JMJD1C: variants seen among roughly 807,000 people sequenced by gnomAD.
JMJD1C encodes jumonji domain-containing protein 1C.
Under a neutral mutation model 245.3 loss-of-function variants are expected in JMJD1C, and 31 were observed. That is an observed-to-expected ratio of 0.13 (90% confidence interval 0.09 to 0.17). The LOEUF (loss-of-function observed/expected upper bound fraction) is 0.17. JMJD1C is among the 10% of genes least tolerant of loss of function. The pLI is 1.00. For synonymous variants in JMJD1C, 1,057 were observed against 1,017.4 expected, an observed-to-expected ratio of 1.04 and a Z score of -0.74; for missense variants, 2,691 against 3,000.2, an observed-to-expected ratio of 0.90 and a Z score of 2.41.
chr10:63,295,981 G>C (rs1254584818), intron 2 of JMJD1C, among the ~76,000 whole-genome samples: 3 of 37,500 alleles, frequency 8.0e-5, no homozygotes, highest in South Asian at 7.8e-4. Context: ...GTGTGTGTGT[G>C]TGTGTGTGTG....
At chr10:63,336,298 C>CA (rs1232632843) in intron 2 of JMJD1C, among the ~76,000 whole-genome samples, 1 of 151,680 alleles carries the variant, frequency 6.6e-6, no homozygotes, top group Non-Finnish European at 1.5e-5. Context: ...CCGTCTCAAC[C>CA]AAAAATACAA....
At chr10:63,500,799 GGATGC>G (rs1954532746) in intron 1 of JMJD1C, among the ~76,000 whole-genome samples, 2 of 135,618 alleles carry the variant, frequency 1.5e-5, no homozygotes, top group African/African-American at 5.2e-5. Flanking sequence ...ATGGATGCAC[GGATGC>G]ATGGATGCAC....
intron 2 of JMJD1C, among the ~76,000 whole-genome samples, chr10:63,270,237 A>AC (rs1856118907): frequency 6.6e-6 from 1 of 151,546 alleles, no homozygotes; most frequent in East Asian, 2.0e-4. Context: ...CATGATCTCA[A>AC]CTCACTGCAA....
chr10:63,215,283 T>A lies in JMJD1C; in HGVS notation c.995A>T (p.Tyr332Phe), dbSNP rs765361788. 7.4e-6 allele frequency: 12 copies of A among 1,613,732 alleles called. No homozygotes were observed. The highest frequency in any genetic ancestry group is 1.3e-5 in the African/African-American group (1 of 74,910). Residue 332 changes from tyrosine (Y) to phenylalanine (F), a missense_variant, in exon 7 of 26, where the codon TAT (tyrosine) becomes TTT (phenylalanine). This residue lies in a region of JMJD1C where 1,562 missense variants were observed against 1,490.7 expected (regional missense o/e 1.05). Coordinates refer to ENST00000399262, the MANE Select transcript of JMJD1C (RefSeq NM_032776.3). ...PDEEKMKEEKYDYISRGENPK... is the reference protein window; with the variant it reads ...PDEEKMKEEKFDYISRGENPK... Reference sequence around the variant, plus strand: ...CCTACCTCCTCGTGATATATAATCATATTTTTCCTCCTTCATCTTCTCTTC... The same window carrying A: ...CCTACCTCCTCGTGATATATAATCAAATTTTTCCTCCTTCATCTTCTCTTC...
intron 1 of JMJD1C, among the ~76,000 whole-genome samples, chr10:63,484,113 T>C (rs994797148): frequency 1.3e-5 from 2 of 152,016 alleles, no homozygotes; most frequent in South Asian, 2.1e-4. Flanking sequence ...CAGGACTGGA[T>C]TGCAAGCTTC....
At chr10:63,406,849 C>G (rs551403976) in intron 1 of JMJD1C, among the ~76,000 whole-genome samples, 1 of 152,006 alleles carries the variant, frequency 6.6e-6, no homozygotes, top group Non-Finnish European at 1.5e-5. Context: ...AAGACACTTA[C>G]AAAAGTCAAA....
At chr10:63,435,500 A>G (rs1325635808) in intron 1 of JMJD1C, among the ~76,000 whole-genome samples, 2 of 152,180 alleles carry the variant, frequency 1.3e-5, no homozygotes, top group Non-Finnish European at 2.9e-5. Context: ...TTGGAAAAGA[A>G]ATTTCTAATT....
chr10:63,450,002 A>G (rs1470100155), intron 1 of JMJD1C, among the ~76,000 whole-genome samples: 2 of 152,092 alleles, frequency 1.3e-5, no homozygotes, highest in Admixed American at 6.5e-5. Context: ...GGACCCAGTA[A>G]CTTGGGAGGC....
chr10:63,395,537 A>C (rs1948429019), intron 1 of JMJD1C, among the ~76,000 whole-genome samples: 1 of 152,214 alleles, frequency 6.6e-6, no homozygotes, highest in Non-Finnish European at 1.5e-5. Flanking sequence ...GATGCAAAGC[A>C]ACTAACTCTG....
chr10:63,325,367 G>C (rs1941383369), intron 2 of JMJD1C, among the ~76,000 whole-genome samples: 1 of 152,136 alleles, frequency 6.6e-6, no homozygotes, highest in African/African-American at 2.4e-5. Flanking sequence ...TGAGACAAGA[G>C]TTTGGCTCTG....
At chr10:63,193,309 C>T (rs752395280) in intron 15 of JMJD1C, 36 bp downstream of exon 15, 12 of 1,555,360 alleles carry the variant, frequency 7.7e-6, no homozygotes, top group Non-Finnish European at 9.6e-6. Flanking sequence ...AATTTAACCA[C>T]AGATTTTATT....
chr10:63,246,588 G>A (rs1852231911), intron 3 of JMJD1C, among the ~76,000 whole-genome samples: 1 of 151,702 alleles, frequency 6.6e-6, no homozygotes, highest in Middle Eastern at 3.4e-3. Flanking sequence ...AGGAATGTAA[G>A]ATATAAGTTC....
At chr10:63,209,695 A>G (rs1847093971) in intron 8 of JMJD1C, among the ~76,000 whole-genome samples, 1 of 152,226 alleles carries the variant, frequency 6.6e-6, no homozygotes, top group African/African-American at 2.4e-5. Flanking sequence ...CAATGTAACA[A>G]TTTACTGACA....
At chr10:63,490,777 G>C (rs1411595622) in intron 1 of JMJD1C, among the ~76,000 whole-genome samples, 1 of 152,046 alleles carries the variant, frequency 6.6e-6, no homozygotes, top group Admixed American at 6.6e-5. Flanking sequence ...GCTTCTTGAG[G>C]GCAGGAACTC....
chr10:63,413,114 C>G (rs1949583490), intron 1 of JMJD1C, among the ~76,000 whole-genome samples: 1 of 152,052 alleles, frequency 6.6e-6, no homozygotes, highest in Non-Finnish European at 1.5e-5. Context: ...TTAAGACAAG[C>G]CATTTTAATC....
chr10:63,513,776 G>C (rs947154128), intron 1 of JMJD1C, among the ~76,000 whole-genome samples: 3 of 152,090 alleles, frequency 2.0e-5, no homozygotes, highest in African/African-American at 4.8e-5. Flanking sequence ...AGCCGGGCGT[G>C]TTGGCGGGAG....
At chr10:63,230,359 A>G (rs1849809881) in intron 3 of JMJD1C, among the ~76,000 whole-genome samples, 1 of 152,108 alleles carries the variant, frequency 6.6e-6, no homozygotes, top group Non-Finnish European at 1.5e-5. Flanking sequence ...GCAACAGAGC[A>G]AAGACTCTGT....
At chr10:63,289,200 T>TA (rs1209075468) in intron 2 of JMJD1C, among the ~76,000 whole-genome samples, 3 of 152,108 alleles carry the variant, frequency 2.0e-5, no homozygotes, top group Non-Finnish European at 4.4e-5. Context: ...ACCTCAGCTA[T>TA]AAAAAATCCA....
chr10:63,494,693 C>G (rs576921181), intron 1 of JMJD1C, among the ~76,000 whole-genome samples: 9 of 152,272 alleles, frequency 5.9e-5, no homozygotes, highest in South Asian at 2.1e-4. Context: ...CACAAAAGTA[C>G]ACACATAGTA....
Sources: gnomAD v4.1 joint callset for allele counts (sites outside exome capture counted in the v4.1 genomes callset) on GRCh38, gnomAD v4.1.1 for gene constraint, gnomAD v4.1.1 regional missense constraint, MANE v1.5 for transcripts, NCBI Gene and HGNC (gene_info 2026-07-23, HGNC 2026-07-21) for gene names.